Variants in PDLIM5 observed in about 807,000 individuals in gnomAD.
PDLIM5 encodes PDZ and LIM domain 5.
Under a neutral mutation model 64.2 loss-of-function variants are expected in PDLIM5, and 34 were observed. That is an observed-to-expected ratio of 0.53 (90% CI 0.40 to 0.71). The LOEUF (loss-of-function observed/expected upper bound fraction) is 0.71, where lower values mean the gene tolerates loss of function less well. Among genes scored for constraint, PDLIM5 ranks in the 30% least tolerant of loss-of-function variants. The probability of loss-of-function intolerance (pLI) is 0.00; values close to 1 mark genes in which losing one functional copy is unlikely to be tolerated. For missense variants in PDLIM5, 683 were observed against 733.6 expected, an observed-to-expected ratio of 0.93 and a Z score of 0.80; for synonymous variants, 253 against 269.1, an observed-to-expected ratio of 0.94 and a Z score of 0.59.
At chr4:94,538,406 G>A (rs1731496758) in intron 3 of PDLIM5, among the ~76,000 whole-genome samples, 1 of 152,138 alleles carries the variant, frequency 6.6e-6, no homozygotes, top group Admixed American at 6.5e-5. Flanking sequence ...TTTGATTTGT[G>A]TAAAAGATTG....
At chr4:94,587,088 G>A (rs1736285333) in intron 7 of PDLIM5, 1 of 1,601,802 alleles carries the variant, frequency 6.2e-7, no homozygotes, top group African/African-American at 1.4e-5. Context: ...AGTGATTTAT[G>A]AGCCTTGCCC....
At chr4:94,586,331 T>C in intron 6 of PDLIM5, 77 bp from the exon 7 acceptor site, 1 of 749,844 alleles carries the variant, frequency 1.3e-6, no homozygotes, top group Non-Finnish European at 2.3e-6. Flanking sequence ...TGATATTGAT[T>C]GGTGCAGGTA....
At chr4:94,659,959 C>T (rs1181318228) in intron 11 of PDLIM5, among the ~76,000 whole-genome samples, 3 of 151,516 alleles carry the variant, frequency 2.0e-5, no homozygotes, top group Admixed American at 6.6e-5. Context: ...TGCAGTGGCC[C>T]GATCTCGGCT....
At chr4:94,510,132 G>A (rs1197944435) in intron 2 of PDLIM5, among the ~76,000 whole-genome samples, 2 of 152,200 alleles carry the variant, frequency 1.3e-5, no homozygotes, top group African/African-American at 4.8e-5. Context: ...CCAGTGGAAA[G>A]AAGATTCTTG....
intron 2 of PDLIM5, among the ~76,000 whole-genome samples, chr4:94,466,331 T>G (rs1244739621): frequency 6.6e-6 from 1 of 152,176 alleles, no homozygotes; most frequent in Non-Finnish European, 1.5e-5. Flanking sequence ...TGGGAGTAAC[T>G]GAGATTATTA....
intron 7 of PDLIM5, among the ~76,000 whole-genome samples, chr4:94,606,013 TATC>T (rs1236051339): frequency 6.6e-6 from 1 of 152,108 alleles, no homozygotes; most frequent in African/African-American, 2.4e-5. Context: ...TCTTTCAAGT[TATC>T]ATGTGTCCAC....
intron 3 of PDLIM5, among the ~76,000 whole-genome samples, chr4:94,552,477 AAG>A (rs1732894289): frequency 6.6e-6 from 1 of 152,154 alleles, no homozygotes; most frequent in Non-Finnish European, 1.5e-5. Flanking sequence ...TAAAATAAAA[AAG>A]AAATAGATTA....
In PDLIM5 at chr4:94,667,504, G is replaced by T. The variant is rs1743133064; in HGVS notation, c.*3437G>T. The T allele has an allele frequency of 6.6e-6, 1 of 152,148 alleles. No individual in the cohort carries two copies. Among genetic ancestry groups the T allele is most frequent in the Admixed American group, 6.5e-5 (1 of 15,280 alleles). 9.4% of individuals were successfully genotyped at this position (152,148 alleles called of 1,614,324 possible). ...ATAGGTAATCTAGAGATGATTTAAA[G>T]TGTATGGTAGGATGTGCATAGGTTA... On this transcript the variant is annotated 3_prime_UTR_variant, in exon 13 of 13. Coordinates refer to ENST00000317968, the MANE Select transcript of PDLIM5 (RefSeq NM_006457.5).
At chr4:94,652,130 A>G (rs1371226676) in intron 9 of PDLIM5, among the ~76,000 whole-genome samples, 1 of 152,198 alleles carries the variant, frequency 6.6e-6, no homozygotes, top group Non-Finnish European at 1.5e-5. Context: ...CCAGGAGCAG[A>G]GCTTTTCATT....
At chr4:94,456,665 A>G (rs1279430092) in intron 2 of PDLIM5, 8 of 1,122,064 alleles carry the variant, frequency 7.1e-6, no homozygotes, top group Non-Finnish European at 8.6e-6. Context: ...TGGCATTTCC[A>G]TATTACTGTT....
chr4:94,480,497 A>G, intron 2 of PDLIM5, among the ~76,000 whole-genome samples: 1 of 152,124 alleles, frequency 6.6e-6, no homozygotes, highest in South Asian at 2.1e-4. Flanking sequence ...GGACCCAGAG[A>G]GATGATGGGA....
At position 94,575,659 on chromosome 4, in the gene PDLIM5, C is replaced by A. The variant is rs1199996283; in HGVS notation, c.335C>A (p.Pro112His). The change falls in exon 5 of 13, where the codon CCT (proline) becomes CAT (histidine). Residue 112 changes from proline to histidine, a missense_variant. Coordinates refer to ENST00000317968, the MANE Select transcript of PDLIM5 (RefSeq NM_006457.5). ...GTTAAACCTGTGCCCATTACATCTC[C>A]TGCTGTGTCCAAAGTCACTTCCACA... ...EVVKPVPITS[P>H]AVSKVTSTNN... 6.2e-7 allele frequency: 1 copy of A among 1,609,188 alleles called. No homozygotes were observed. The highest frequency in any genetic ancestry group is 2.2e-5 in the East Asian group (1 of 44,854).
intron 7 of PDLIM5, among the ~76,000 whole-genome samples, chr4:94,603,469 T>C (rs1175123888): frequency 6.6e-6 from 1 of 152,056 alleles, no homozygotes; most frequent in Admixed American, 6.6e-5. Context: ...AACTTGGGAC[T>C]GTAATGCCCC....
At chr4:94,480,530 A>C (rs1392148869) in intron 2 of PDLIM5, among the ~76,000 whole-genome samples, 1 of 152,238 alleles carries the variant, frequency 6.6e-6, no homozygotes, top group Non-Finnish European at 1.5e-5. Context: ...CCCAGAGCCC[A>C]ACTGTGGGTC....
rs529466844 is a variant in PDLIM5 at position 94,523,993 on chromosome 4, TA to T, written c.248+124del. 488 of 645,094 alleles carry T rather than the reference TA, an allele frequency of 7.6e-4. 1 individual carries two copies. Among genetic ancestry groups the T allele is most frequent in the Admixed American group, 2.0e-3 (73 of 37,344 alleles). 40.0% of individuals were successfully genotyped at this position (645,094 alleles called of 1,614,324 possible). ...TTCTGCTACCATCATTTCAGGTAAA[TA>T]AAAAATATAATGGCTCTTAAATTGG... On this transcript the variant is annotated intron_variant, in intron 3 of 12. Coordinates refer to ENST00000317968, the MANE Select transcript of PDLIM5 (RefSeq NM_006457.5).
chr4:94,452,032 C>T (rs1487315766), intron 1 of PDLIM5, 37 bp downstream of exon 1: 1 of 152,304 alleles, frequency 6.6e-6, no homozygotes, highest in Non-Finnish European at 1.5e-5. Context: ...CCTCTCGGAT[C>T]TCCGGTGGGA....
intron 2 of PDLIM5, among the ~76,000 whole-genome samples, chr4:94,499,558 G>C (rs1310291328): frequency 6.6e-6 from 1 of 152,192 alleles, no homozygotes; most frequent in Admixed American, 6.5e-5. Context: ...ATTGTGTTAA[G>C]CATGACAAGT....
intron 8 of PDLIM5, among the ~76,000 whole-genome samples, chr4:94,632,758 T>C (rs917036598): frequency 1.4e-4 from 21 of 152,202 alleles, no homozygotes; most frequent in African/African-American, 4.8e-4. Context: ...AGGATCAGAG[T>C]GATACTATGT....
chr4:94,456,737 C>T lies in PDLIM5; in HGVS notation c.96+1353C>T, dbSNP rs555683459. 2.8e-5 allele frequency: 35 copies of T among 1,233,954 alleles called. No homozygotes were observed. In the East Asian group the frequency reaches 6.7e-4, roughly 24 times the overall value. 76.4% of individuals were successfully genotyped at this position (1,233,954 alleles called of 1,614,324 possible). Reference sequence around the variant, plus strand: ...ATATATATGTGAATATATGTATCTACGTCATTTTGAAAGGTTGTGCCAATT... The same window carrying T: ...ATATATATGTGAATATATGTATCTATGTCATTTTGAAAGGTTGTGCCAATT... On this transcript the variant is annotated intron_variant, in intron 2 of 12. Coordinates refer to ENST00000317968, the MANE Select transcript of PDLIM5 (RefSeq NM_006457.5).
Sources: gnomAD v4.1 joint callset for allele counts (sites outside exome capture counted in the v4.1 genomes callset) on GRCh38, gnomAD v4.1.1 for gene constraint, MANE v1.5 for transcripts, NCBI Gene and HGNC (gene_info 2026-07-23, HGNC 2026-07-21) for gene names.